POLR3A: variants seen among roughly 807,000 people sequenced by gnomAD.
POLR3A encodes the protein DNA-directed RNA polymerase III subunit RPC1.
Under a neutral mutation model 152.8 loss-of-function variants are expected in POLR3A, and 112 were observed. The ratio of observed to expected loss-of-function variants is 0.73; its 90% CI spans 0.63 to 0.86. The LOEUF (loss-of-function observed/expected upper bound fraction) is 0.86, where lower values mean the gene tolerates loss of function less well. POLR3A is among the 40% of genes least tolerant of loss of function. The pLI is 0.00. For synonymous variants in POLR3A, 615 were observed against 652.1 expected, an observed-to-expected ratio of 0.94 and a Z score of 0.87; for missense variants, 1,385 against 1,743.1, an observed-to-expected ratio of 0.79 and a Z score of 3.66.
At chr10:77,998,879 T>C (rs1847327995) in intron 19 of POLR3A, among the ~76,000 whole-genome samples, 1 of 152,170 alleles carries the variant, frequency 6.6e-6, no homozygotes, top group Admixed American at 6.5e-5. Flanking sequence ...CTATTCACAA[T>C]AGCAAAGACT....
At chr10:77,992,192 C>T (rs1011523581) in intron 20 of POLR3A, among the ~76,000 whole-genome samples, 9 of 152,062 alleles carry the variant, frequency 5.9e-5, no homozygotes, top group Admixed American at 2.6e-4. Flanking sequence ...TGACACAGAG[C>T]GAAACCAAAC....
Position 78,011,920 on chromosome 10 carries a change from T to C in POLR3A, c.1573-1380A>G, listed in dbSNP as rs561182203. Among the ~76,000 whole-genome samples the C allele has an allele frequency of 3.9e-5, 6 of 152,314 alleles. No individual in the cohort carries two copies. In the East Asian group the frequency reaches 1.2e-3, roughly 29 times the overall value. On this transcript the variant is annotated intron_variant, in intron 11 of 30. Transcript: ENST00000372371. ...ATTGCCATTTGTAACCAATGAAATATGCAGTTGTAACACAATGTCCACAGT... is the reference window on the plus strand; with the variant it reads ...ATTGCCATTTGTAACCAATGAAATACGCAGTTGTAACACAATGTCCACAGT...
At chr10:78,011,008 C>G (rs1847461818) in intron 11 of POLR3A, among the ~76,000 whole-genome samples, 1 of 152,118 alleles carries the variant, frequency 6.6e-6, no homozygotes, top group South Asian at 2.1e-4. Context: ...TCATGCCCAG[C>G]TAAGTTTTTG....
intron 11 of POLR3A, among the ~76,000 whole-genome samples, chr10:78,010,884 C>T (rs1454544539): frequency 6.6e-6 from 1 of 152,158 alleles, no homozygotes; most frequent in Non-Finnish European, 1.5e-5. Flanking sequence ...TTGCTTATAG[C>T]CCAGGTTAGA....
At chr10:78,009,498 A>G (rs1847443182) in intron 14 of POLR3A, 39 bp downstream of exon 14, 1 of 1,614,010 alleles carries the variant, frequency 6.2e-7, no homozygotes, top group Non-Finnish European at 8.5e-7. Context: ...CTTTTCTGTC[A>G]CGTTCCTCCT....
chr10:77,991,465 T>C (rs574260579), intron 20 of POLR3A, among the ~76,000 whole-genome samples: 1 of 152,312 alleles, frequency 6.6e-6, no homozygotes, highest in South Asian at 2.1e-4. Flanking sequence ...ATATAAGCTG[T>C]TATTTAAAAA....
At chr10:78,012,669 C>A (rs888905094) in intron 11 of POLR3A, among the ~76,000 whole-genome samples, 1 of 151,670 alleles carries the variant, frequency 6.6e-6, no homozygotes, top group Non-Finnish European at 1.5e-5. Context: ...TGCCATGTCC[C>A]ACTGTGCTAT....
chr10:78,021,484 CA>C (rs1847578829), intron 8 of POLR3A, 61 bp downstream of exon 8: 1 of 1,586,946 alleles, frequency 6.3e-7, no homozygotes, highest in East Asian at 2.2e-5. Flanking sequence ...TTTGCAATAC[CA>C]AAATATAACG....
Position 78,013,735 on chromosome 10 carries a change from T to C in POLR3A, c.1487A>G (p.Tyr496Cys). The C allele has an allele frequency of 6.2e-7, 1 of 1,614,094 alleles. No homozygotes were observed. Among genetic ancestry groups the C allele is most frequent in the Non-Finnish European group, 8.5e-7 (1 of 1,179,958 alleles). ...TTCATCACCATCAAAGTCAGCATTA[T>C]AGGGTGTACAGACACACTCATTAAA... The part of the protein sequence containing the change: ...FRFNECVCTP[Y>C]NADFDGDEMN... The change falls in exon 11 of 31, where the codon TAT (tyrosine) becomes TGT (cysteine). Residue 496 changes from tyrosine (Y) to cysteine (C), a missense_variant. Tyr to Cys is a radical substitution (Grantham distance 194). Coordinates refer to ENST00000372371, the MANE Select transcript of POLR3A (RefSeq NM_007055.4).
At chr10:78,010,303 A>AG (rs1311023217) in intron 12 of POLR3A, among the ~76,000 whole-genome samples, 168 bp downstream of exon 12, 1 of 148,058 alleles carries the variant, frequency 6.8e-6, no homozygotes, top group Non-Finnish European at 1.5e-5. Flanking sequence ...AAAAAAAAAA[A>AG]GAAAAAAAAA....
At chr10:78,009,802 CCA>C (rs1438650645) in intron 13 of POLR3A, 60 bp downstream of exon 13, 1 of 1,605,498 alleles carries the variant, frequency 6.2e-7, no homozygotes, top group Non-Finnish European at 8.5e-7. Context: ...ACTCATTTCA[CCA>C]GTCTACCCCC....
rs144456806 is a variant in POLR3A, at chr10:77,985,591, T to C, written c.3072-251A>G. Among the ~76,000 whole-genome samples the C allele has an allele frequency of 7.2e-3, 1,095 of 152,306 alleles. 8 individuals are homozygous for C. Among genetic ancestry groups the C allele is most frequent in the African/African-American group, 0.025 (1,048 of 41,558 alleles). On this transcript the variant is annotated intron_variant, in intron 23 of 30. Coordinates refer to ENST00000372371, the MANE Select transcript of POLR3A (RefSeq NM_007055.4). ...ATGGCTGCTTGTGGTCAGCATGTAATGGATGCAGAAAATCTAAGCAGTCTG... is the reference window on the plus strand; with the variant it reads ...ATGGCTGCTTGTGGTCAGCATGTAACGGATGCAGAAAATCTAAGCAGTCTG...
chr10:78,024,664 T>G lies in POLR3A; in HGVS notation c.530A>C (p.Glu177Ala). 1.9e-6 allele frequency: 3 copies of G among 1,613,948 alleles called. No homozygotes were observed. Among genetic ancestry groups the G allele is most frequent in the Non-Finnish European group, 2.5e-6 (3 of 1,179,782 alleles). Residue 177 changes from glutamate to alanine, a missense_variant, in exon 5 of 31, where the codon GAG (glutamate) becomes GCG (alanine). Glu to Ala is a moderately radical substitution (Grantham distance 107, BLOSUM62 -1). This residue lies in a region of POLR3A where 493 missense variants were observed against 647.5 expected (regional missense o/e 0.76). Transcript: ENST00000372371. Reference protein sequence around the residue: ...KKCGLLKIIHEKYKTNKKVVD... With the variant: ...KKCGLLKIIHAKYKTNKKVVD... ...CACTTTTTTGTTGGTCTTGTATTTC[T>G]CATGAATTATTTTCAGCAGTCCACA...
At chr10:77,985,457 C>A (rs1021030400) in intron 23 of POLR3A, 117 bp from the exon 24 acceptor site, 4 of 831,588 alleles carry the variant, frequency 4.8e-6, no homozygotes, top group Admixed American at 3.6e-5. Context: ...CTATTAGGGT[C>A]GGAAAGGGTA....
rs1225022412 is a variant in POLR3A at position 77,985,025 on chromosome 10, T to C, written c.3242+145A>G. On this transcript the variant is annotated intron_variant, in intron 24 of 30. Coordinates refer to ENST00000372371, the MANE Select transcript of POLR3A (RefSeq NM_007055.4). ...TGAGTGGCTTTTTTAAAAACCAAAA[T>C]AGGATTAACACAGCAAGCATGCCAC... 2.7e-5 allele frequency: 21 copies of C among 765,358 alleles called. No individual in the cohort carries two copies. In the East Asian group the frequency reaches 5.1e-4, roughly 19 times the overall value. The allele number at this position is 765,358 out of a possible 1,614,324, so 47.4% of individuals were successfully genotyped here. A position where few individuals can be genotyped will look rare whatever the true frequency, so the allele number is the denominator to read the frequency against.
At chr10:78,002,917 G>A (rs541719361) in intron 16 of POLR3A, among the ~76,000 whole-genome samples, 2 of 152,282 alleles carry the variant, frequency 1.3e-5, no homozygotes, top group South Asian at 2.1e-4. Flanking sequence ...CAAAATATCT[G>A]TATATAAATA....
chr10:78,012,538 A>AT (rs1424796875), intron 11 of POLR3A, among the ~76,000 whole-genome samples: 3 of 152,158 alleles, frequency 2.0e-5, no homozygotes, highest in Admixed American at 6.5e-5. Flanking sequence ...ACTTACAACT[A>AT]TAAGACTTAC....
At chr10:78,010,215 A>G (rs1039990412) in intron 12 of POLR3A, among the ~76,000 whole-genome samples, 1 of 152,092 alleles carries the variant, frequency 6.6e-6, no homozygotes, top group Non-Finnish European at 1.5e-5. Flanking sequence ...TCTAAGCCAG[A>G]CACTAGGTTT....
intron 10 of POLR3A, among the ~76,000 whole-genome samples, chr10:78,015,264 T>C (rs989699881): frequency 2.0e-5 from 3 of 152,226 alleles, no homozygotes; most frequent in African/African-American, 7.2e-5. Context: ...AATTATTGCA[T>C]ATAGAGGATG....
Sources: gnomAD v4.1 joint callset for allele counts (sites outside exome capture counted in the v4.1 genomes callset) on GRCh38, gnomAD v4.1.1 for gene constraint, gnomAD v4.1.1 regional missense constraint, MANE v1.5 for transcripts, NCBI Gene and HGNC (gene_info 2026-07-23, HGNC 2026-07-21) for gene names.